The following TNR variants were observed in gnomAD, a reference collection of about 807,000 sequenced individuals.
The protein encoded by TNR is tenascin-R.
In TNR, 45 loss-of-function variants were observed where a neutral mutation model predicts 150.4. The observed-to-expected ratio is 0.30, with a 90% CI of 0.24 to 0.38. The LOEUF (loss-of-function observed/expected upper bound fraction) is 0.38. Among genes scored for constraint, TNR ranks in the 10% least tolerant of loss-of-function variants. TNR has a pLI of 1.00. For missense variants in TNR, 1,544 were observed against 1,759.1 expected (o/e 0.88, Z 2.19); for synonymous variants, 687 against 678.4 (o/e 1.01, Z -0.20).
intron 1 of TNR, among the ~76,000 whole-genome samples, chr1:175,547,652 G>GAAT (rs201436003): frequency 1.9e-5 from 2 of 106,368 alleles, no homozygotes; most frequent in African/African-American, 7.2e-5. Context: ...AGAAAGAAAG[G>GAAT]AAGAAGAAAG....
rs1242691403 is a variant in TNR at position 175,365,946 on chromosome 1, T to C, written c.2246A>G (p.Glu749Gly). 1 of 1,614,156 alleles carries C rather than the reference T, an allele frequency of 6.2e-7. No individual in the cohort carries two copies. Among genetic ancestry groups the C allele is most frequent in the Non-Finnish European group, 8.5e-7 (1 of 1,180,004 alleles). ...YTLTDLEPGA[E>G]YIISVTAERG... ...CTCAGCAGTGACGGAAATGATGTAC[T>C]CTGCCCCAGGCTCTAGATCTGTTAG... is the stretch of plus-strand genomic sequence containing the variant. The change falls in exon 11 of 23, where the codon GAG becomes GGG. Residue 749 changes from glutamate (E) to glycine (G), a missense_variant. Glu to Gly is a moderately conservative substitution (Grantham distance 98). Around this residue, in one of 2 missense-constraint regions of TNR, gnomAD observed 1,254 missense variants for 1,329.4 expected, o/e 0.94. Transcript: ENST00000367674.
At chr1:175,693,306 T>C (rs1413114179) in intron 1 of TNR, among the ~76,000 whole-genome samples, 3 of 152,210 alleles carry the variant, frequency 2.0e-5, no homozygotes, top group Non-Finnish European at 4.4e-5. Flanking sequence ...CCTTGTAACC[T>C]GTACTACACA....
intron 2 of TNR, among the ~76,000 whole-genome samples, chr1:175,408,894 A>G (rs1348140938): frequency 1.3e-5 from 2 of 152,210 alleles, no homozygotes; most frequent in African/African-American, 2.4e-5. Context: ...GAAAAGCCCA[A>G]TCCTTAACAC....
At chr1:175,371,671 G>A (rs1264596723) in intron 9 of TNR, among the ~76,000 whole-genome samples, 3 of 152,132 alleles carry the variant, frequency 2.0e-5, no homozygotes, top group South Asian at 2.1e-4. Context: ...AGATTCACAC[G>A]TTATTTAATT....
chr1:175,566,724 G>C (rs797015505), intron 1 of TNR, among the ~76,000 whole-genome samples: 10 of 152,344 alleles, frequency 6.6e-5, no homozygotes, highest in African/African-American at 2.4e-4. Context: ...AATGAGGCAT[G>C]CTCACGTTCT....
rs1651496688 is a variant in TNR, at chr1:175,359,601, C to A, written c.2974+11G>T. ...CCCACCTGCCTGATCTGCAGGCCTG[C>A]AGACACCCACCTGCAAAGTGTGTAA... On this transcript the variant is annotated intron_variant, in intron 15 of 22. Transcript: ENST00000367674. 2 of 1,613,122 alleles carry A rather than the reference C, an allele frequency of 1.2e-6. No homozygotes were observed. Among genetic ancestry groups the A allele is most frequent in the Non-Finnish European group, 1.7e-6 (2 of 1,179,726 alleles).
intron 1 of TNR, among the ~76,000 whole-genome samples, chr1:175,716,903 C>T (rs1667167823): frequency 6.6e-6 from 1 of 152,144 alleles, no homozygotes; most frequent in Admixed American, 6.5e-5. Context: ...GGATGACTTC[C>T]ACTTCTCCCT....
At chr1:175,719,188 G>A (rs961718613) in intron 1 of TNR, among the ~76,000 whole-genome samples, 1 of 152,204 alleles carries the variant, frequency 6.6e-6, no homozygotes. Context: ...AGGATATGGA[G>A]TACCCCAAGC....
intron 8 of TNR, 74 bp downstream of exon 8, chr1:175,385,958 T>G (rs1345446346): frequency 6.7e-7 from 1 of 1,484,932 alleles, no homozygotes; most frequent in Non-Finnish European, 9.0e-7. Flanking sequence ...ATACTCCTCT[T>G]GCTGTGATGA....
chr1:175,518,764 C>CT (rs758958741), intron 2 of TNR, among the ~76,000 whole-genome samples: 5 of 152,200 alleles, frequency 3.3e-5, no homozygotes, highest in Non-Finnish European at 7.3e-5. Flanking sequence ...CATTACCTCC[C>CT]TTATCGCCCC....
chr1:175,709,644 G>A (rs1666944359), intron 1 of TNR, among the ~76,000 whole-genome samples: 1 of 152,182 alleles, frequency 6.6e-6, no homozygotes. Flanking sequence ...AAACAATTAA[G>A]GCCTCACATG....
chr1:175,353,062 ACCCACACC>A (rs1344023100), intron 18 of TNR, among the ~76,000 whole-genome samples: 1 of 152,126 alleles, frequency 6.6e-6, no homozygotes, highest in Non-Finnish European at 1.5e-5. Flanking sequence ...ACATGTATGC[ACCCACACC>A]CCCATAATGT....
chr1:175,715,667 C>T (rs558275530), intron 1 of TNR, among the ~76,000 whole-genome samples: 82 of 152,220 alleles, frequency 5.4e-4, no homozygotes, highest in Non-Finnish European at 1.1e-3. Context: ...GAGATGCTCT[C>T]ATGGGGTCCC....
chr1:175,326,161 G>T (rs1276004990), intron 21 of TNR, among the ~76,000 whole-genome samples: 2 of 152,130 alleles, frequency 1.3e-5, no homozygotes, highest in Non-Finnish European at 2.9e-5. Flanking sequence ...CTCTTTTGGG[G>T]ATATTGTGCA....
At position 175,419,673 on chromosome 1, in the gene TNR, G is replaced by A. The variant is rs554766384; in HGVS notation, c.-63-12896C>T. ...ATTTTTATATTTTTAGTAGAGAAGG[G>A]GTTTCACCATGTTGGCCAAGCTGGT... On this transcript the variant is annotated intron_variant, in intron 2 of 22. Coordinates refer to ENST00000367674, the MANE Select transcript of TNR (RefSeq NM_003285.3). Among the ~76,000 whole-genome samples the A allele has an allele frequency of 8.5e-5, 13 of 152,162 alleles. No homozygotes were observed. The East Asian group carries it at 2.5e-3, about 29-fold the overall frequency.
rs1046442038 is a variant in TNR, at chr1:175,658,931, C to T, written c.-165+84295G>A. On this transcript the variant is annotated intron_variant, in intron 1 of 22. Coordinates refer to ENST00000367674, the MANE Select transcript of TNR (RefSeq NM_003285.3). ...CTTTCACATCGATGTTTTAGGCACT[C>T]CTGAGTTGAGCTAGACCAGAGGAAG... Among the ~76,000 whole-genome samples, 20 of 152,182 alleles carry T rather than the reference C, an allele frequency of 1.3e-4. 1 individual carries two copies. Among genetic ancestry groups the T allele is most frequent in the Admixed American group, 9.8e-4 (15 of 15,282 alleles).
At chr1:175,691,966 C>T (rs1666380104) in intron 1 of TNR, among the ~76,000 whole-genome samples, 1 of 152,204 alleles carries the variant, frequency 6.6e-6, no homozygotes, top group South Asian at 2.1e-4. Context: ...TTCATCTCTA[C>T]AACCTCTCAG....
At chr1:175,516,141 C>T (rs1262171467) in intron 2 of TNR, among the ~76,000 whole-genome samples, 2 of 152,142 alleles carry the variant, frequency 1.3e-5, no homozygotes, top group African/African-American at 2.4e-5. Context: ...AAGTTTATTC[C>T]TCATTAATTC....
At chr1:175,648,350 A>G (rs192795586) in intron 1 of TNR, among the ~76,000 whole-genome samples, 3 of 152,290 alleles carry the variant, frequency 2.0e-5, no homozygotes, top group Non-Finnish European at 2.9e-5. Flanking sequence ...GGAAGGCCCT[A>G]TGTGATACCA....
Sources: gnomAD v4.1 joint callset for allele counts (sites outside exome capture counted in the v4.1 genomes callset) on GRCh38, gnomAD v4.1.1 for gene constraint, gnomAD v4.1.1 regional missense constraint, MANE v1.5 for transcripts, NCBI Gene and HGNC (gene_info 2026-07-23, HGNC 2026-07-21) for gene names.